NT5DC1: variants seen among roughly 807,000 people sequenced by gnomAD.
NT5DC1 encodes 5'-nucleotidase domain containing 1.
A neutral mutation model predicts 59.4 loss-of-function variants in NT5DC1; 42 were observed. The ratio of observed to expected loss-of-function variants is 0.71; its 90% CI spans 0.55 to 0.92. NT5DC1 has a LOEUF of 0.92. Among genes scored for constraint, NT5DC1 ranks in the 40% least tolerant of loss-of-function variants. NT5DC1 has a pLI of 0.00. For missense variants in NT5DC1, 501 were observed against 537.1 expected, an observed-to-expected ratio of 0.93 and a Z score of 0.66; for synonymous variants, 172 against 188.1, an observed-to-expected ratio of 0.91 and a Z score of 0.70.
chr6:116,156,251 C>T (rs1780190399), intron 6 of NT5DC1, among the ~76,000 whole-genome samples: 2 of 152,140 alleles, frequency 1.3e-5, no homozygotes, highest in South Asian at 4.1e-4. Context: ...TTTTCCTCCT[C>T]TGCAACCCAT....
chr6:116,237,146 G>T, intron 9 of NT5DC1, 62 bp downstream of exon 9: 1 of 876,550 alleles, frequency 1.1e-6, no homozygotes, highest in Non-Finnish European at 1.9e-6. Context: ...GTTGTGAACT[G>T]CCAAATCTCT....
At chr6:116,188,784 T>G (rs574273515) in intron 6 of NT5DC1, among the ~76,000 whole-genome samples, 6 of 151,868 alleles carry the variant, frequency 4.0e-5, no homozygotes, top group Non-Finnish European at 7.4e-5. Flanking sequence ...ATGTTTTTTG[T>G]CTTTTCTATG....
intron 6 of NT5DC1, among the ~76,000 whole-genome samples, chr6:116,147,653 A>G (rs938397304): frequency 6.6e-6 from 1 of 152,202 alleles, no homozygotes; most frequent in South Asian, 2.1e-4. Flanking sequence ...TGTAATGAGA[A>G]ATTGCAAATA....
intron 9 of NT5DC1, chr6:116,237,516 C>T (rs1337369839): frequency 2.2e-6 from 1 of 457,372 alleles, no homozygotes; most frequent in Non-Finnish European, 4.4e-6. Context: ...GAGCCCTGCT[C>T]CATTGGCTGT....
At position 116,245,854 on chromosome 6, in the gene NT5DC1, G is replaced by A. The variant is rs1191231806; in HGVS notation, c.*1830G>A. 3 of 152,028 alleles carry A rather than the reference G, an allele frequency of 2.0e-5. No homozygotes were observed. The highest frequency in any genetic ancestry group is 2.9e-5 in the Non-Finnish European group (2 of 67,950). The allele number at this position is 152,028 out of a possible 1,614,324, so 9.4% of individuals were successfully genotyped here. A position where few individuals can be genotyped will look rare whatever the true frequency, so the allele number is the denominator to read the frequency against. ...CAGAATTCAGTTGTCAGAAGTTCTA[G>A]TATTCCCTTTATCATTCCACCTAAA... On this transcript the variant is annotated 3_prime_UTR_variant, in exon 12 of 12. Transcript: ENST00000319550.
chr6:116,215,202 T>C (rs1185839598), intron 6 of NT5DC1, among the ~76,000 whole-genome samples: 1 of 152,102 alleles, frequency 6.6e-6, no homozygotes, highest in Non-Finnish European at 1.5e-5. Flanking sequence ...ATGCCTAGGG[T>C]TATAAAGGAG....
At chr6:116,170,544 C>A (rs147859142) in intron 6 of NT5DC1, among the ~76,000 whole-genome samples, 14 of 152,256 alleles carry the variant, frequency 9.2e-5, no homozygotes, top group African/African-American at 3.1e-4. Context: ...GTACCTGACT[C>A]ATAATAAGTA....
At chr6:116,173,611 A>G (rs1215399865) in intron 6 of NT5DC1, among the ~76,000 whole-genome samples, 1 of 152,190 alleles carries the variant, frequency 6.6e-6, no homozygotes, top group Non-Finnish European at 1.5e-5. Flanking sequence ...GGTAAAAATC[A>G]GACCCAGCTC....
chr6:116,140,812 G>A (rs573510799), intron 6 of NT5DC1, among the ~76,000 whole-genome samples: 2 of 152,136 alleles, frequency 1.3e-5, no homozygotes, highest in East Asian at 3.9e-4. Flanking sequence ...TGATGTGTGG[G>A]GCTGTTTATT....
intron 6 of NT5DC1, among the ~76,000 whole-genome samples, chr6:116,147,513 A>G (rs760437535): frequency 6.6e-6 from 1 of 152,172 alleles, no homozygotes; most frequent in Non-Finnish European, 1.5e-5. Context: ...TAATGGAGCT[A>G]TAGTCCTAAT....
intron 6 of NT5DC1, among the ~76,000 whole-genome samples, chr6:116,146,512 T>A (rs1158210785): frequency 1.3e-5 from 2 of 152,180 alleles, no homozygotes; most frequent in African/African-American, 4.8e-5. Context: ...GCTGGCCACT[T>A]GGAACTTTCG....
At chr6:116,227,864 T>A (rs990194770) in intron 8 of NT5DC1, among the ~76,000 whole-genome samples, 5 of 152,214 alleles carry the variant, frequency 3.3e-5, no homozygotes, top group African/African-American at 1.2e-4. Flanking sequence ...TATTAACCCC[T>A]TATCAGATGT....
intron 6 of NT5DC1, among the ~76,000 whole-genome samples, chr6:116,213,730 A>C (rs1391805769): frequency 6.6e-6 from 1 of 152,030 alleles, no homozygotes; most frequent in Non-Finnish European, 1.5e-5. Flanking sequence ...CTAAAAACTA[A>C]TGCTACTTTG....
chr6:116,136,539 G>A (rs935987496), intron 6 of NT5DC1, among the ~76,000 whole-genome samples: 18 of 152,056 alleles, frequency 1.2e-4, no homozygotes, highest in Admixed American at 3.3e-4. Flanking sequence ...GCTGGTAGGC[G>A]GCAGAACTGG....
At chr6:116,207,370 C>CAAA (rs5879366) in intron 6 of NT5DC1, among the ~76,000 whole-genome samples, 4 of 151,284 alleles carry the variant, frequency 2.6e-5, no homozygotes, top group Non-Finnish European at 4.4e-5. Context: ...AGAGAGAAAG[C>CAAA]AAAAAAAATC....
chr6:116,211,648 G>A (rs1185042738), intron 6 of NT5DC1, among the ~76,000 whole-genome samples: 1 of 151,972 alleles, frequency 6.6e-6, no homozygotes, highest in African/African-American at 2.4e-5. Flanking sequence ...AAAATATAGA[G>A]TCCACGAAGT....
intron 6 of NT5DC1, among the ~76,000 whole-genome samples, chr6:116,167,171 T>C (rs992519209): frequency 1.3e-5 from 2 of 151,956 alleles, no homozygotes; most frequent in Non-Finnish European, 2.9e-5. Flanking sequence ...TACTTTGTAC[T>C]TAAAAGGTGT....
chr6:116,116,043 C>G (rs1778956960), intron 5 of NT5DC1, among the ~76,000 whole-genome samples: 1 of 151,754 alleles, frequency 6.6e-6, no homozygotes, highest in African/African-American at 2.4e-5. Flanking sequence ...GAACTTGGAT[C>G]TGGACAAAAC....
intron 6 of NT5DC1, chr6:116,120,239 T>C (rs1486604626): frequency 1.2e-6 from 2 of 1,614,076 alleles, no homozygotes; most frequent in Non-Finnish European, 1.7e-6. Context: ...GGTGTATTCA[T>C]CATAGGTGTA....
Sources: allele counts gnomAD v4.1 joint callset (sites outside exome capture counted in the v4.1 genomes callset), GRCh38; gene constraint gnomAD v4.1.1; transcripts MANE v1.5; gene names NCBI Gene and HGNC (gene_info 2026-07-23, HGNC 2026-07-21).